The following PTPN12 variants were observed in gnomAD, a reference collection of about 807,000 sequenced individuals.
PTPN12 encodes the protein tyrosine-protein phosphatase non-receptor type 12.
PTPN12 carries 29 observed loss-of-function variants against 97.6 expected under a neutral mutation model. The observed-to-expected ratio is 0.30, with a 90% confidence interval of 0.22 to 0.41. The LOEUF (loss-of-function observed/expected upper bound fraction) is 0.41. Ranked by LOEUF, PTPN12 falls within the 10% of genes least tolerant of loss-of-function variation. PTPN12 has a pLI of 1.00. For synonymous variants in PTPN12, 327 were observed against 300.4 expected (o/e 1.09, Z -0.91); for missense variants, 819 against 926.0 (o/e 0.88, Z 1.50).
chr7:77,557,585 A>C (rs1385698333), intron 1 of PTPN12, among the ~76,000 whole-genome samples: 1 of 152,160 alleles, frequency 6.6e-6, no homozygotes, highest in Non-Finnish European at 1.5e-5. Flanking sequence ...TTTATCATTT[A>C]AGTGTACAGT....
intron 2 of PTPN12, among the ~76,000 whole-genome samples, chr7:77,571,945 GC>G (rs1261736211): frequency 6.6e-6 from 1 of 152,106 alleles, no homozygotes; most frequent in Non-Finnish European, 1.5e-5. Flanking sequence ...TCCAGTAAAA[GC>G]TATACGTCAT....
At chr7:77,586,882 T>C (rs1787708619) in intron 5 of PTPN12, among the ~76,000 whole-genome samples, 1 of 152,210 alleles carries the variant, frequency 6.6e-6, no homozygotes, top group South Asian at 2.1e-4. Context: ...TATTTTCTTA[T>C]CCGTAAGAAG....
chr7:77,574,829 G>A (rs999011204), intron 2 of PTPN12, among the ~76,000 whole-genome samples: 1 of 151,818 alleles, frequency 6.6e-6, no homozygotes. Context: ...TTTTGACTTG[G>A]GATTTTTTTT....
intron 8 of PTPN12, among the ~76,000 whole-genome samples, chr7:77,602,255 C>T (rs1041834653): frequency 2.6e-5 from 4 of 152,054 alleles, no homozygotes; most frequent in African/African-American, 9.7e-5. Context: ...TTTTCTTAAT[C>T]TAACATTTTG....
chr7:77,545,867 A>G (rs1463656383), intron 1 of PTPN12: 2 of 152,094 alleles, frequency 1.3e-5, no homozygotes, highest in Non-Finnish European at 2.9e-5. Context: ...AATGAATGAA[A>G]TCTTGCTTAT....
At chr7:77,573,397 C>G (rs1440462019) in intron 2 of PTPN12, among the ~76,000 whole-genome samples, 1 of 152,128 alleles carries the variant, frequency 6.6e-6, no homozygotes, top group Non-Finnish European at 1.5e-5. Flanking sequence ...GGTGCCTTCT[C>G]ACTGCACTTC....
intron 17 of PTPN12, 141 bp from the exon 18 acceptor site, chr7:77,639,078 C>G: frequency 1.4e-6 from 1 of 694,596 alleles, no homozygotes; most frequent in Non-Finnish European, 2.2e-6. Context: ...TTGCATTTAC[C>G]AAGTTTTGTT....
chr7:77,585,652 T>C, intron 5 of PTPN12, 71 bp downstream of exon 5: 2 of 1,374,502 alleles, frequency 1.5e-6, no homozygotes, highest in African/African-American at 1.4e-5. Context: ...ATTATTATAG[T>C]CTTAACATAA....
chr7:77,600,046 T>C (rs543419370), intron 7 of PTPN12, among the ~76,000 whole-genome samples: 1 of 152,338 alleles, frequency 6.6e-6, no homozygotes, highest in East Asian at 1.9e-4. Context: ...AACATTTTAG[T>C]ATTATTCTGA....
intron 1 of PTPN12, among the ~76,000 whole-genome samples, chr7:77,570,107 A>G (rs1189232554): frequency 2.6e-5 from 4 of 152,234 alleles, no homozygotes; most frequent in African/African-American, 9.6e-5. Context: ...CCAGTGCAGA[A>G]TAAGATTCTA....
intron 1 of PTPN12, among the ~76,000 whole-genome samples, chr7:77,552,668 G>T (rs1275773670): frequency 6.6e-6 from 1 of 152,242 alleles, no homozygotes; most frequent in South Asian, 2.1e-4. Flanking sequence ...ATGTACAAAA[G>T]TAAAAATAGG....
intron 6 of PTPN12, among the ~76,000 whole-genome samples, chr7:77,593,360 G>C (rs1189988302): frequency 6.6e-6 from 1 of 152,122 alleles, no homozygotes; most frequent in Non-Finnish European, 1.5e-5. Context: ...GCATGCGTCT[G>C]TGTGCATGTG....
intron 16 of PTPN12, 66 bp downstream of exon 16, chr7:77,637,114 C>T: frequency 7.8e-7 from 1 of 1,284,122 alleles, no homozygotes; most frequent in South Asian, 1.3e-5. Flanking sequence ...TACAAAATAA[C>T]ATGCTTCATA....
In PTPN12 at chr7:77,544,514, T is replaced by C. The variant is rs895169361; in HGVS notation, c.99+6869T>C. 4.2e-4 allele frequency among the ~76,000 whole-genome samples: 64 copies of C among 152,374 alleles called. 1 individual carries two copies. Among genetic ancestry groups the C allele is most frequent in the Non-Finnish European group, 2.6e-4 (18 of 68,024 alleles). On this transcript the variant is annotated intron_variant, in intron 1 of 17. Transcript: ENST00000248594. Reference sequence around the variant, plus strand: ...CATTCTCAAGAATGTTTTACTTTATTTACTTTCAAAATATATTAACTTTTT... The same window carrying C: ...CATTCTCAAGAATGTTTTACTTTATCTACTTTCAAAATATATTAACTTTTT...
At chr7:77,631,392 T>C (rs1203788181) in intron 13 of PTPN12, among the ~76,000 whole-genome samples, 1 of 152,180 alleles carries the variant, frequency 6.6e-6, no homozygotes. Context: ...TCAGGTGTGG[T>C]AAAATAGCAG....
At chr7:77,602,730 G>A (rs1562741319) in intron 8 of PTPN12, among the ~76,000 whole-genome samples, 1 of 152,032 alleles carries the variant, frequency 6.6e-6, no homozygotes, top group Non-Finnish European at 1.5e-5. Context: ...CATAGTAGAA[G>A]CTACTTGAAT....
At chr7:77,537,985 G>GA (rs1554306830) in intron 1 of PTPN12, 1 of 995,802 alleles carries the variant, frequency 1.0e-6, no homozygotes, top group Non-Finnish European at 1.2e-6. Flanking sequence ...GGCCGGGGGG[G>GA]GGGGCTCGCG....
At chr7:77,567,091 G>A (rs1483757603) in intron 1 of PTPN12, among the ~76,000 whole-genome samples, 2 of 151,296 alleles carry the variant, frequency 1.3e-5, no homozygotes, top group Non-Finnish European at 2.9e-5. Flanking sequence ...TGGTCGGGAA[G>A]TTAAAATGAA....
intron 1 of PTPN12, among the ~76,000 whole-genome samples, chr7:77,562,446 C>G (rs1347831892): frequency 1.3e-5 from 2 of 151,972 alleles, no homozygotes; most frequent in Non-Finnish European, 2.9e-5. Flanking sequence ...AGAGTGTGCC[C>G]CTATGAAGAC....
Sources: gnomAD v4.1 joint callset for allele counts (sites outside exome capture counted in the v4.1 genomes callset) on GRCh38, gnomAD v4.1.1 for gene constraint, MANE v1.5 for transcripts, NCBI Gene and HGNC (gene_info 2026-07-23, HGNC 2026-07-21) for gene names.